GLRA2: variants seen among roughly 807,000 people sequenced by gnomAD.
GLRA2 encodes the protein glycine receptor subunit alpha-2.
A neutral mutation model predicts 31.6 loss-of-function variants in GLRA2; 11 were observed. The ratio of observed to expected loss-of-function variants is 0.35; its 90% CI spans 0.22 to 0.58. GLRA2 has a LOEUF of 0.58. Ranked by LOEUF, GLRA2 falls within the 20% of genes least tolerant of loss-of-function variation. The probability of loss-of-function intolerance (pLI) is 0.84; values close to 1 mark genes in which losing one functional copy is unlikely to be tolerated. For missense variants in GLRA2, 212 were observed against 351.8 expected (o/e 0.60, Z 3.18); for synonymous variants, 132 against 134.0 (o/e 0.99, Z 0.10).
the GLRA2 span, among the ~76,000 whole-genome samples, chrX:14,458,490 T>A: frequency 2.5e-4 from 28 of 112,101 alleles, no homozygotes; most frequent in South Asian, 4.4e-3. Context: ...TCCCACCAAC[T>A]GTGTAAAAGC....
intron 6 of GLRA2, 114 bp from the exon 7 acceptor site, chrX:14,608,877 C>T: frequency 2.2e-6 from 1 of 460,487 alleles, no homozygotes; most frequent in South Asian, 3.4e-5. Flanking sequence ...TTTGTGCAAT[C>T]TTCCAAATCC....
chrX:14,450,514 C>T, the GLRA2 span, among the ~76,000 whole-genome samples: 1 of 111,468 alleles, frequency 9.0e-6, no homozygotes, highest in African/African-American at 3.3e-5. Flanking sequence ...ATTCTATATG[C>T]ACTGAAATAC....
the GLRA2 span, among the ~76,000 whole-genome samples, chrX:14,496,670 C>T: frequency 2.7e-5 from 3 of 112,117 alleles, no homozygotes; most frequent in Non-Finnish European, 5.6e-5. Context: ...CATTAATCCT[C>T]ACAATATGTG....
Position 14,729,376 on chromosome X carries a change from C to A in GLRA2, c.1081-831C>A, listed in dbSNP as rs771167245. ...CCACCTTTTCAACCCCACCGTTTGA[C>A]CCCCTCCTTTGACCCAAACACATAC... On this transcript the variant is annotated intron_variant, in intron 8 of 8. Coordinates refer to ENST00000218075, the MANE Select transcript of GLRA2 (RefSeq NM_002063.4). Among the ~76,000 whole-genome samples the A allele has an allele frequency of 9.9e-5, 11 of 111,084 alleles. No homozygotes were observed. The South Asian group carries it at 4.2e-3, about 42-fold the overall frequency.
chrX:14,493,386 A>G, the GLRA2 span, among the ~76,000 whole-genome samples: 1 of 108,786 alleles, frequency 9.2e-6, no homozygotes. Context: ...TCAAATACTT[A>G]TGTGAAATGA....
intron 4 of GLRA2, among the ~76,000 whole-genome samples, chrX:14,582,686 T>G (rs1338614537): frequency 8.9e-6 from 1 of 112,187 alleles, no homozygotes; most frequent in Admixed American, 9.5e-5. Flanking sequence ...TACCTTAATT[T>G]TAAAACGGGA....
rs58924094 is a variant in GLRA2, at chrX:14,706,203, C to T, written c.1080+15344C>T. Among the ~76,000 whole-genome samples the T allele has an allele frequency of 8.9e-3, 994 of 111,873 alleles. 5 individuals carry two copies. The highest frequency in any genetic ancestry group is 0.03 in the African/African-American group (923 of 30,759). ...AATGTCATCTGTTGACCAGCAGCAT[C>T]AGCATCACCTACAGCTTGCTAGAAA... is the stretch of plus-strand genomic sequence containing the variant. On this transcript the variant is annotated intron_variant, in intron 8 of 8. Coordinates refer to ENST00000218075, the MANE Select transcript of GLRA2 (RefSeq NM_002063.4).
rs58794212 is a variant in GLRA2, at chrX:14,571,770, C to CAA, written c.203-2556_203-2555dup. ...ATAGAAATGCAAATGAACCTTGAAC[C>CAA]AAAAAAAAGTGCCCAAAATTGAAAA... On this transcript the variant is annotated intron_variant, in intron 2 of 8. Coordinates refer to ENST00000218075, the MANE Select transcript of GLRA2 (RefSeq NM_002063.4). Among the ~76,000 whole-genome samples, 636 of 108,624 alleles carry CAA rather than the reference C, an allele frequency of 5.9e-3. 5 individuals carry two copies. Among genetic ancestry groups the CAA allele is most frequent in the African/African-American group, 0.019 (563 of 29,845 alleles). The allele number at this position is 108,624 out of a possible 115,157, so 94.3% of individuals were successfully genotyped here.
intron 4 of GLRA2, among the ~76,000 whole-genome samples, chrX:14,588,498 T>C (rs1025857934): frequency 3.6e-5 from 4 of 112,012 alleles, no homozygotes; most frequent in African/African-American, 1.3e-4. Flanking sequence ...ATAGTACAGT[T>C]TGAACTTGGG....
chrX:14,505,055 A>G, the GLRA2 span, among the ~76,000 whole-genome samples: 1 of 111,985 alleles, frequency 8.9e-6, no homozygotes, highest in Non-Finnish European at 1.9e-5. Context: ...GACTACACAC[A>G]ATCAGATCCC....
In GLRA2 at chrX:14,688,761, TGCCTCACCCTGGTCCG is replaced by T. The variant is rs1302716151; in HGVS notation, c.931-1946_931-1931del. Among the ~76,000 whole-genome samples the T allele has an allele frequency of 2.7e-5, 3 of 109,926 alleles. No homozygotes were observed. In the East Asian group the frequency reaches 8.7e-4, roughly 32 times the overall value. ...CCCTTGCGCTTCCCGGGTGAGGCAA[TGCCTCACCCTGGTCCG>T]GCTCACGCTCGGTGGGCTGCACCCA... On this transcript the variant is annotated intron_variant, in intron 7 of 8. Transcript: ENST00000218075.
chrX:14,488,711 A>G, the GLRA2 span, among the ~76,000 whole-genome samples: 1 of 112,459 alleles, frequency 8.9e-6, no homozygotes, highest in Non-Finnish European at 1.9e-5. Flanking sequence ...TTGTTCTACT[A>G]ATATAGTTTG....
At chrX:14,665,585 C>A (rs2091030721) in intron 7 of GLRA2, among the ~76,000 whole-genome samples, 1 of 111,581 alleles carries the variant, frequency 9.0e-6, no homozygotes, top group Non-Finnish European at 1.9e-5. Flanking sequence ...GATGTATAGT[C>A]AGTCTTTGAC....
At chrX:14,695,148 G>T (rs1447955634) in intron 8 of GLRA2, among the ~76,000 whole-genome samples, 2 of 99,232 alleles carry the variant, frequency 2.0e-5, no homozygotes, top group Admixed American at 1.1e-4. Flanking sequence ...TACACATTGA[G>T]ATAACAGAAA....
the GLRA2 span, among the ~76,000 whole-genome samples, chrX:14,504,366 G>A: frequency 1.8e-5 from 2 of 111,802 alleles, no homozygotes; most frequent in Non-Finnish European, 3.8e-5. Context: ...CATCACTGTG[G>A]TTAGAAAGAG....
chrX:14,555,872 T>C (rs2089635366), intron 2 of GLRA2, among the ~76,000 whole-genome samples: 1 of 112,020 alleles, frequency 8.9e-6, no homozygotes, highest in African/African-American at 3.2e-5. Context: ...ATTGAACATT[T>C]ACTGAATGCC....
At chrX:14,595,934 AGTGTCTG>A (rs1288092815) in intron 4 of GLRA2, among the ~76,000 whole-genome samples, 2 of 111,976 alleles carry the variant, frequency 1.8e-5, no homozygotes, top group Non-Finnish European at 3.8e-5. Context: ...TCTTATTTTA[AGTGTCTG>A]GTGCCTGGTG....
At chrX:14,661,492 GA>G (rs111431353) in intron 7 of GLRA2, among the ~76,000 whole-genome samples, 17 of 109,659 alleles carry the variant, frequency 1.6e-4, no homozygotes, top group South Asian at 1.5e-3. Flanking sequence ...ATCCATCTGA[GA>G]AAAAAAAATG....
intron 7 of GLRA2, among the ~76,000 whole-genome samples, chrX:14,624,228 A>G (rs1173516033): frequency 9.1e-6 from 1 of 110,033 alleles, no homozygotes; most frequent in Admixed American, 9.7e-5. Flanking sequence ...CATCTATTTG[A>G]TTCTTCTTTC....
Sources: allele counts gnomAD v4.1 joint callset (sites outside exome capture counted in the v4.1 genomes callset), GRCh38; gene constraint gnomAD v4.1.1; transcripts MANE v1.5; gene names NCBI Gene and HGNC (gene_info 2026-07-23, HGNC 2026-07-21).